The following POLQ variants were observed in gnomAD, a reference collection of about 807,000 sequenced individuals.
POLQ encodes DNA polymerase theta.
POLQ carries 233 observed loss-of-function variants against 259.2 expected under a neutral mutation model. The ratio of observed to expected loss-of-function variants is 0.90; its 90% CI spans 0.81 to 1.00. The LOEUF is 1.00. Among genes scored for constraint, POLQ ranks in the 50% least tolerant of loss-of-function variants. POLQ has a pLI of 0.00. For synonymous variants in POLQ, 1,025 were observed against 1,048.8 expected, an observed-to-expected ratio of 0.98 and a Z score of 0.44; for missense variants, 2,871 against 3,051.6, an observed-to-expected ratio of 0.94 and a Z score of 1.39.
At chr3:121,467,699 GT>G (rs2047850293) in intron 23 of POLQ, 59 bp from the exon 24 acceptor site, 1 of 1,526,320 alleles carries the variant, frequency 6.6e-7, no homozygotes, top group Admixed American at 1.8e-5. Flanking sequence ...TATGAAAAAG[GT>G]CTGATTTTCA....
intron 25 of POLQ, among the ~76,000 whole-genome samples, chr3:121,453,048 G>C (rs2047693888): frequency 6.6e-6 from 1 of 152,200 alleles, no homozygotes; most frequent in African/African-American, 2.4e-5. Context: ...AAAACTTCCA[G>C]AGGAACGATC....
chr3:121,449,182 T>C (rs995603311), intron 26 of POLQ, 133 bp downstream of exon 26: 63 of 570,016 alleles, frequency 1.1e-4, no homozygotes, highest in Non-Finnish European at 3.2e-5. Flanking sequence ...AGGTTAATCT[T>C]ATTTACCCTT....
Position 121,472,072 on chromosome 3 carries a change from A to G in POLQ, c.6636T>C (p.Phe2212=). The change falls in exon 22 of 30, where the codon TTT becomes TTC. Residue 2212 remains phenylalanine (F), a synonymous_variant. Transcript: ENST00000264233. ...TAAGACACTTTTCCCGCTGAAGGGG[A>G]AAGACCACTTTGGTAATAGCATTAG... is the stretch of plus-strand genomic sequence containing the variant. The part of the protein sequence containing the change: ...RITNAITKVV[F]PLQREKCLNP... 1 of 1,587,422 alleles carries G rather than the reference A, an allele frequency of 6.3e-7. No homozygotes were observed.
intron 25 of POLQ, among the ~76,000 whole-genome samples, chr3:121,454,241 A>G (rs2047709440): frequency 6.6e-6 from 1 of 152,220 alleles, no homozygotes; most frequent in Non-Finnish European, 1.5e-5. Flanking sequence ...AGCACTAAAC[A>G]TGGAAAGGAA....
chr3:121,528,139 C>T (rs940723170), intron 7 of POLQ, among the ~76,000 whole-genome samples: 8 of 152,030 alleles, frequency 5.3e-5, no homozygotes, highest in South Asian at 2.1e-4. Flanking sequence ...TTTATTTATT[C>T]GAGAGAGGGT....
chr3:121,482,328 G>A (rs1162931554), intron 18 of POLQ, among the ~76,000 whole-genome samples: 1 of 152,110 alleles, frequency 6.6e-6, no homozygotes, highest in Non-Finnish European at 1.5e-5. Context: ...AGACTAGCCT[G>A]GTCAACATGG....
intron 12 of POLQ, among the ~76,000 whole-genome samples, chr3:121,502,849 TAG>T (rs1177712920): frequency 1.3e-5 from 2 of 152,020 alleles, no homozygotes. Flanking sequence ...GGAATCAAAA[TAG>T]AGTTATTTAA....
At position 121,440,102 on chromosome 3, in the gene POLQ, T is replaced by C. The variant is rs750354728; in HGVS notation, c.7279A>G (p.Met2427Val). ...TTACAATTCTTCACTGTCTCTGTCATGAATTGATTAATCCCTACAAAGAAA... is the reference window on the plus strand; with the variant it reads ...TTACAATTCTTCACTGTCTCTGTCACGAATTGATTAATCCCTACAAAGAAA... ...KSRYTGINQF[M>V]TETVKNCKRD... Residue 2427 changes from methionine (M) to valine (V), a missense_variant, in exon 27 of 30, where the codon ATG (methionine) becomes GTG (valine). This residue lies in a region of POLQ where 2,080 missense variants were observed against 2,126.0 expected (regional missense o/e 0.98). Transcript: ENST00000264233. The C allele has an allele frequency of 1.2e-6, 2 of 1,606,188 alleles. No individual in the cohort carries two copies. The highest frequency in any genetic ancestry group is 2.2e-5 in the South Asian group (2 of 90,776).
intron 8 of POLQ, among the ~76,000 whole-genome samples, chr3:121,520,742 GAT>G (rs2108812775): frequency 6.6e-6 from 1 of 152,296 alleles, no homozygotes; most frequent in Non-Finnish European, 1.5e-5. Context: ...TACAAAAACA[GAT>G]GGTAGGCTAG....
At position 121,544,874 on chromosome 3, in the gene POLQ, T is replaced by A. The variant is rs1247921661; in HGVS notation, c.196A>T (p.Arg66Ter). 12 of 1,609,674 alleles carry A rather than the reference T, an allele frequency of 7.5e-6. No individual in the cohort carries two copies. The East Asian group carries it at 2.0e-4, about 27-fold the overall frequency. Residue 66 changes from arginine (R) to a stop codon, truncating the protein, a stop_gained, in exon 2 of 30, where the codon AGA (arginine) becomes TGA (stop). Transcript: ENST00000264233. LOFTEE classifies it high-confidence loss of function. ...ECKPTVPDYERDKLLLANWGL... is the reference protein window; with the variant it reads ...ECKPTVPDYE Reference sequence around the variant, plus strand: ...CAGTTTGCCAATAGTAGCTTGTCTCTTTCGTAGTCAGGAACTGTAGGCTTG... The same window carrying A: ...CAGTTTGCCAATAGTAGCTTGTCTCATTCGTAGTCAGGAACTGTAGGCTTG...
intron 24 of POLQ, among the ~76,000 whole-genome samples, chr3:121,463,009 T>C (rs2047805253): frequency 6.6e-6 from 1 of 152,224 alleles, no homozygotes; most frequent in African/African-American, 2.4e-5. Flanking sequence ...TTAGTGTTCA[T>C]TGTGGCTTTG....
intron 9 of POLQ, among the ~76,000 whole-genome samples, chr3:121,514,875 C>T (rs80295613): frequency 0.014 from 2,094 of 152,278 alleles, 46 homozygotes; most frequent in African/African-American, 0.048. Flanking sequence ...AGATGGCCAG[C>T]CTCCAGGCCC....
At chr3:121,433,335 C>T (rs1368876130) in intron 28 of POLQ, among the ~76,000 whole-genome samples, 1 of 152,176 alleles carries the variant, frequency 6.6e-6, no homozygotes. Context: ...TTTCTCTATC[C>T]ATGGAGTCCC....
At position 121,436,128 on chromosome 3, in the gene POLQ, G is replaced by A. The variant is rs148626322; in HGVS notation, c.7537C>T (p.Gln2513Ter). Residue 2513 changes from glutamine (Q) to a stop codon, truncating the protein, a stop_gained, in exon 28 of 30, where the codon CAA (glutamine) becomes TAA (stop). Transcript: ENST00000264233. LOFTEE classifies it high-confidence loss of function. ...GCCTCATCTATGAACAAACCTGTTT[G>A]GTCACTTTGGAGCATACCCTCTCGA... ...GHREGMLQSD[Q>*]TGLSRKRKLQ... 3.1e-4 allele frequency: 503 copies of A among 1,613,034 alleles called. No homozygotes were observed. Among genetic ancestry groups the A allele is most frequent in the Admixed American group, 3.8e-4 (23 of 59,984 alleles).
intron 14 of POLQ, 130 bp downstream of exon 14, chr3:121,496,678 A>T: frequency 1.1e-6 from 1 of 902,318 alleles, no homozygotes; most frequent in Non-Finnish European, 1.7e-6. Flanking sequence ...TCTGATGATG[A>T]CAAGAACTGT....
At chr3:121,448,436 C>T (rs987795858) in intron 26 of POLQ, among the ~76,000 whole-genome samples, 30 of 151,846 alleles carry the variant, frequency 2.0e-4, no homozygotes, top group Non-Finnish European at 1.2e-4. Context: ...GGCGTGATCT[C>T]GGCTCACTGC....
intron 12 of POLQ, among the ~76,000 whole-genome samples, chr3:121,503,152 T>G (rs970682893): frequency 6.6e-6 from 1 of 152,204 alleles, no homozygotes; most frequent in Non-Finnish European, 1.5e-5. Flanking sequence ...TGTTTAGAAA[T>G]GTCTAGATAC....
chr3:121,504,157 C>G (rs763039655), intron 12 of POLQ, among the ~76,000 whole-genome samples: 42 of 152,214 alleles, frequency 2.8e-4, no homozygotes, highest in South Asian at 2.1e-4. Flanking sequence ...TTTAGCTGGA[C>G]TGATCAAGAA....
intron 14 of POLQ, chr3:121,494,513 C>T (rs2048099395): frequency 6.4e-7 from 1 of 1,561,098 alleles, no homozygotes; most frequent in East Asian, 2.3e-5. Context: ...ACCACCTGTC[C>T]TTCGAACAGG....
Sources: allele counts gnomAD v4.1 joint callset (sites outside exome capture counted in the v4.1 genomes callset), GRCh38; gene constraint gnomAD v4.1.1; regional missense constraint gnomAD v4.1.1; transcripts MANE v1.5; gene names NCBI Gene and HGNC (gene_info 2026-07-23, HGNC 2026-07-21).